NBAS: variants seen among roughly 807,000 people sequenced by gnomAD.
NBAS encodes the protein NAG/BC035112 fusion.
A neutral mutation model predicts 302.5 loss-of-function variants in NBAS; 219 were observed. The ratio of observed to expected loss-of-function variants is 0.72; its 90% CI spans 0.65 to 0.81. The LOEUF (loss-of-function observed/expected upper bound fraction) is 0.81, where lower values mean the gene tolerates loss of function less well. Among genes scored for constraint, NBAS ranks in the 30% least tolerant of loss-of-function variants. The pLI is 0.00. For synonymous variants in NBAS, 1,118 were observed against 1,021.6 expected (o/e 1.09, Z -1.80); for missense variants, 2,932 against 2,841.6 (o/e 1.03, Z -0.72).
intron 41 of NBAS, among the ~76,000 whole-genome samples, chr2:15,287,661 T>C (rs1157320568): frequency 6.7e-6 from 1 of 148,496 alleles, no homozygotes; most frequent in African/African-American, 2.5e-5. Flanking sequence ...CCGAGCACCA[T>C]GTGTAGGCAG....
chr2:15,286,203 T>C (rs923538012), intron 42 of NBAS, among the ~76,000 whole-genome samples: 1 of 152,198 alleles, frequency 6.6e-6, no homozygotes, highest in African/African-American at 2.4e-5. Context: ...GTACTTCAAA[T>C]CCCTTCTCCA....
rs775072332 is a variant in NBAS at position 15,356,374 on chromosome 2, A to G, written c.3860T>C (p.Leu1287Ser). Reference protein sequence around the residue: ...EERRGQVLILLVEQALRFHDY... With the variant: ...EERRGQVLILSVEQALRFHDY... ...ATGGAAGCGAAGTGCCTGCTCCACT[A>G]AAAGGATTAGAACCTGTCCCCGCCT... The change falls in exon 33 of 52, where the codon TTA (leucine) becomes TCA (serine). Residue 1287 changes from leucine (L) to serine (S), a missense_variant. Leu to Ser is a moderately radical substitution (Grantham distance 145). Transcript: ENST00000281513. 1.5e-5 allele frequency: 25 copies of G among 1,613,732 alleles called. No homozygotes were observed. The highest frequency in any genetic ancestry group is 1.3e-4 in the Admixed American group (8 of 59,986).
the NBAS span, among the ~76,000 whole-genome samples, chr2:14,788,810 CCTTT>C: frequency 3.3e-5 from 5 of 152,222 alleles, no homozygotes; most frequent in African/African-American, 1.2e-4. Flanking sequence ...GGCAGTCTGC[CCTTT>C]CTCAGATCTC....
chr2:15,560,394 G>A (rs1393424015), intron 1 of NBAS, among the ~76,000 whole-genome samples: 1 of 151,832 alleles, frequency 6.6e-6, no homozygotes, highest in Non-Finnish European at 1.5e-5. Context: ...CTTCTGTAGC[G>A]GAGATCCCAA....
rs11286593 is a variant in NBAS at position 15,403,908 on chromosome 2, C to CTTTT, written c.2938-1611_2938-1608dup. Among the ~76,000 whole-genome samples the CTTTT allele has an allele frequency of 5.8e-3, 779 of 134,150 alleles. 10 individuals are homozygous for CTTTT. Among genetic ancestry groups the CTTTT allele is most frequent in the African/African-American group, 0.021 (708 of 34,098 alleles). The allele number at this position is 134,150 out of a possible 152,430, so 88.0% of individuals were successfully genotyped here. On this transcript the variant is annotated intron_variant, in intron 25 of 51. Coordinates refer to ENST00000281513, the MANE Select transcript of NBAS (RefSeq NM_015909.4). ...GTGTGTGTGTGTGTGTGTCTATACA[C>CTTTT]TTTTTTTTTTTTTCCAGATACAAGG...
chr2:15,541,591 G>A (rs1484228577), intron 6 of NBAS, among the ~76,000 whole-genome samples: 3 of 152,006 alleles, frequency 2.0e-5, no homozygotes, highest in African/African-American at 7.3e-5. Flanking sequence ...TCCCGGAGAG[G>A]TCATTCAGCA....
At chr2:14,975,024 T>C in the NBAS span, among the ~76,000 whole-genome samples, 1 of 152,124 alleles carries the variant, frequency 6.6e-6, no homozygotes, top group Non-Finnish European at 1.5e-5. Context: ...GGTTGGCCCC[T>C]AGTAGCTAAG....
At chr2:15,454,773 T>C (rs934899452) in intron 21 of NBAS, among the ~76,000 whole-genome samples, 3 of 152,148 alleles carry the variant, frequency 2.0e-5, no homozygotes, top group African/African-American at 7.2e-5. Flanking sequence ...CACTTCCCAA[T>C]AGCTCACAAA....
intron 9 of NBAS, among the ~76,000 whole-genome samples, chr2:15,531,550 T>G (rs1663215456): frequency 6.6e-6 from 1 of 152,138 alleles, no homozygotes; most frequent in Non-Finnish European, 1.5e-5. Context: ...AATTATTAAC[T>G]ACAAGGAGAA....
chr2:15,474,094 C>A lies in NBAS; in HGVS notation c.1572G>T (p.Thr524=). Residue 524 remains threonine, a synonymous_variant, in exon 15 of 52, where the codon ACG becomes ACT. Coordinates refer to ENST00000281513, the MANE Select transcript of NBAS (RefSeq NM_015909.4). ...KNYRLVSLRS[T]TPEELYQRKI... ...TCCTCTGATAAAGTTCCTCTGGTGTCGTGGAGCGCAAACTCACAAGGCGGT... is the reference window on the plus strand; with the variant it reads ...TCCTCTGATAAAGTTCCTCTGGTGTAGTGGAGCGCAAACTCACAAGGCGGT... The A allele has an allele frequency of 6.2e-7, 1 of 1,614,132 alleles. No individual in the cohort carries two copies. Among genetic ancestry groups the A allele is most frequent in the South Asian group, 1.1e-5 (1 of 91,084 alleles).
At chr2:15,423,251 T>C (rs193146219) in intron 23 of NBAS, among the ~76,000 whole-genome samples, 1 of 152,204 alleles carries the variant, frequency 6.6e-6, no homozygotes, top group Non-Finnish European at 1.5e-5. Flanking sequence ...CTTCAGATTC[T>C]ACACATTTTC....
At chr2:15,272,812 G>A (rs1403413003) in intron 44 of NBAS, among the ~76,000 whole-genome samples, 2 of 152,142 alleles carry the variant, frequency 1.3e-5, no homozygotes, top group African/African-American at 2.4e-5. Flanking sequence ...ACACATATGT[G>A]CACCAACAAC....
At chr2:15,476,015 G>A in intron 13 of NBAS, 135 bp from the exon 14 acceptor site, 2 of 666,966 alleles carry the variant, frequency 3.0e-6, no homozygotes, top group Non-Finnish European at 2.4e-6. Flanking sequence ...TAAATAATAA[G>A]AAAAAATAAA....
At chr2:14,960,854 T>C in the NBAS span, among the ~76,000 whole-genome samples, 1 of 152,200 alleles carries the variant, frequency 6.6e-6, no homozygotes, top group African/African-American at 2.4e-5. Flanking sequence ...AGACCTGGCC[T>C]TCCTTCTAAT....
the NBAS span, among the ~76,000 whole-genome samples, chr2:14,827,765 G>C: frequency 6.6e-6 from 1 of 152,136 alleles, no homozygotes; most frequent in African/African-American, 2.4e-5. Context: ...TAGAGGAGCA[G>C]GGAATGGAAT....
intron 35 of NBAS, among the ~76,000 whole-genome samples, chr2:15,342,081 A>T (rs1211250847): frequency 6.6e-6 from 1 of 152,202 alleles, no homozygotes; most frequent in Non-Finnish European, 1.5e-5. Flanking sequence ...GAGCATTTAC[A>T]CAAAGTTATA....
At chr2:15,208,177 G>C (rs899578397) in intron 48 of NBAS, among the ~76,000 whole-genome samples, 1 of 152,150 alleles carries the variant, frequency 6.6e-6, no homozygotes, top group Non-Finnish European at 1.5e-5. Context: ...GGCTGGGAAG[G>C]CCTCACAATC....
the NBAS span, among the ~76,000 whole-genome samples, chr2:14,910,054 A>G: frequency 5.3e-5 from 8 of 152,184 alleles, no homozygotes; most frequent in Non-Finnish European, 7.3e-5. Context: ...TTTCATCTCC[A>G]CAGATAATCA....
At chr2:15,559,121 T>A (rs1664791743) in intron 1 of NBAS, among the ~76,000 whole-genome samples, 1 of 137,686 alleles carries the variant, frequency 7.3e-6, no homozygotes, top group Admixed American at 7.7e-5. Context: ...AGGAGAAAAG[T>A]GAGCATAGCA....
Sources: gnomAD v4.1 joint callset for allele counts (sites outside exome capture counted in the v4.1 genomes callset) on GRCh38, gnomAD v4.1.1 for gene constraint, MANE v1.5 for transcripts, NCBI Gene and HGNC (gene_info 2026-07-23, HGNC 2026-07-21) for gene names.